FZR1: variants seen among roughly 807,000 people sequenced by gnomAD.
FZR1 encodes the protein fizzy and cell division cycle 20 related 1.
Under a neutral mutation model 63.6 loss-of-function variants are expected in FZR1, and 11 were observed. The observed-to-expected ratio is 0.17, with a 90% CI of 0.11 to 0.29. FZR1 has a LOEUF of 0.29. FZR1 is among the 10% of genes least tolerant of loss of function. FZR1 has a pLI of 1.00. For synonymous variants in FZR1, 328 were observed against 297.9 expected (o/e 1.10, Z -1.04); for missense variants, 440 against 687.5 (o/e 0.64, Z 4.03).
chr19:3,521,594 C>T lies in FZR1; in HGVS notation c.-34-1362C>T, dbSNP rs188147258. ...TCAGCTCACTGCAGCCTTCACCTCC[C>T]GGGTTCAAGCGCTCCTCCTGCCTCA... On this transcript the variant is annotated intron_variant, in intron 1 of 13. Transcript: ENST00000441788. 6.2e-4 allele frequency among the ~76,000 whole-genome samples: 95 copies of T among 152,126 alleles called. 2 individuals are homozygous for T. The East Asian group carries it at 0.016, about 25-fold the overall frequency.
intron 6 of FZR1, 74 bp downstream of exon 6, chr19:3,527,136 C>T (rs2083168223): frequency 2.5e-6 from 3 of 1,176,748 alleles, no homozygotes; most frequent in Non-Finnish European, 1.3e-6. Flanking sequence ...GTCCCAGCTT[C>T]CTCCGCAGCC....
intron 1 of FZR1, among the ~76,000 whole-genome samples, chr19:3,519,161 T>G (rs2083080402): frequency 2.0e-5 from 3 of 152,220 alleles, no homozygotes; most frequent in Admixed American, 2.0e-4. Context: ...TCCAGGACCG[T>G]GGGGAGCATA....
chr19:3,524,663 G>A (rs1230325761), intron 2 of FZR1, among the ~76,000 whole-genome samples: 2 of 152,106 alleles, frequency 1.3e-5, no homozygotes, highest in African/African-American at 4.8e-5. Context: ...CTGGGGGTCC[G>A]GAGTCGGAGG....
In FZR1 at chr19:3,526,659, C is replaced by T. The variant is rs1026374517; in HGVS notation, c.387+273C>T. 6.6e-6 allele frequency among the ~76,000 whole-genome samples: 1 copy of T among 151,344 alleles called. No homozygotes were observed. The highest frequency in any genetic ancestry group is 1.5e-5 in the Non-Finnish European group (1 of 68,034). Reference sequence around the variant, plus strand: ...CCCCACACCAATGCTACCTGGGGTCCCGAACACCCAAGCCGGTGGGGGTCC... The same window carrying T: ...CCCCACACCAATGCTACCTGGGGTCTCGAACACCCAAGCCGGTGGGGGTCC... On this transcript the variant is annotated intron_variant, in intron 5 of 13. Coordinates refer to ENST00000441788, the MANE Select transcript of FZR1 (RefSeq NM_016263.4). This position sits in a 1 kb window ranked among gnomAD's most constrained non-coding sequence, Gnocchi z 5.4.
intron 2 of FZR1, among the ~76,000 whole-genome samples, chr19:3,523,699 G>A (rs1365503897): frequency 3.9e-5 from 6 of 152,230 alleles, no homozygotes; most frequent in Non-Finnish European, 7.3e-5. Context: ...CATCATTCTC[G>A]AAGACGAAGT....
At chr19:3,523,899 G>A (rs535373166) in intron 2 of FZR1, among the ~76,000 whole-genome samples, 13 of 152,302 alleles carry the variant, frequency 8.5e-5, no homozygotes, top group African/African-American at 2.9e-4. Context: ...CAAAGCCTGG[G>A]TCCCGGGACC....
At chr19:3,510,017 ACCACCGTGAG>A (rs1302853976) in intron 1 of FZR1, among the ~76,000 whole-genome samples, 1 of 151,826 alleles carries the variant, frequency 6.6e-6, no homozygotes, top group Non-Finnish European at 1.5e-5. Flanking sequence ...ACCCCATGCA[ACCACCGTGAG>A]CCCAGCTCTA....
At position 3,516,910 on chromosome 19, in the gene FZR1, C is replaced by A. The variant is rs2083062571; in HGVS notation, c.-34-6046C>A. Among the ~76,000 whole-genome samples, 4 of 152,228 alleles carry A rather than the reference C, an allele frequency of 2.6e-5. No individual in the cohort carries two copies. In the South Asian group the frequency reaches 8.3e-4, roughly 32 times the overall value. Reference sequence around the variant, plus strand: ...GCTGGGCAGCGATGTGTGCCAGGGGCCGTGTGCAGCTGCAGCTGGCGCCCG... The same window carrying A: ...GCTGGGCAGCGATGTGTGCCAGGGGACGTGTGCAGCTGCAGCTGGCGCCCG... On this transcript the variant is annotated intron_variant, in intron 1 of 13. Transcript: ENST00000441788. The surrounding 1 kb of genome is among the most constrained non-coding windows in gnomAD (Gnocchi z 6.0).
At chr19:3,523,423 C>G (rs1467784753) in intron 2 of FZR1, among the ~76,000 whole-genome samples, 1 of 152,184 alleles carries the variant, frequency 6.6e-6, no homozygotes, top group African/African-American at 2.4e-5. Context: ...CTGGCTTTGT[C>G]CTTCCTTGCG....
In FZR1 at chr19:3,533,499, G is replaced by A; in HGVS notation, c.1347+101G>A. On this transcript the variant is annotated intron_variant, in intron 12 of 13. Transcript: ENST00000441788. The surrounding 1 kb of genome is among the most constrained non-coding windows in gnomAD (Gnocchi z 4.9). ...CCTGTGTTCTTAGGGAGGATGGTGT[G>A]CAGATCTAAAACCCCGTGGGACCCA... The A allele has an allele frequency of 1.3e-6, 1 of 744,174 alleles. No individual in the cohort carries two copies. The highest frequency in any genetic ancestry group is 2.1e-5 in the Admixed American group (1 of 48,446). 46.1% of individuals were successfully genotyped at this position (744,174 alleles called of 1,614,324 possible).
At chr19:3,527,565 C>A in intron 6 of FZR1, 66 bp from the exon 7 acceptor site, 1 of 1,331,756 alleles carries the variant, frequency 7.5e-7, no homozygotes, top group Non-Finnish European at 1.0e-6. Context: ...GGAGACACTT[C>A]CCAAGCGTTT....
intron 7 of FZR1, among the ~76,000 whole-genome samples, chr19:3,530,381 TGAGCAGATGGGTGAGCGGATGGGA>T (rs1568238925): frequency 1.9e-4 from 13 of 69,794 alleles, no homozygotes; most frequent in African/African-American, 2.1e-4. Flanking sequence ...AGCGGATGGG[TGAGCAGATGGGTGAGCGGATGGGA>T]GAGCGCATGG....
chr19:3,525,099 C>T lies in FZR1; in HGVS notation c.70-769C>T, dbSNP rs1310234873. ...GGCAGCAGGAGATGGGGATGAGGGC[C>T]ACACTCCCAGGTGGCTCTGGGTACA... On this transcript the variant is annotated intron_variant, in intron 2 of 13. Transcript: ENST00000441788. This position sits in a 1 kb window ranked among gnomAD's most constrained non-coding sequence, Gnocchi z 4.2. 6.6e-6 allele frequency among the ~76,000 whole-genome samples: 1 copy of T among 152,254 alleles called. No individual in the cohort carries two copies. The highest frequency in any genetic ancestry group is 1.9e-4 in the East Asian group (1 of 5,178).
chr19:3,533,016 C>T lies in FZR1; in HGVS notation c.1243-278C>T, dbSNP rs1041429721. On this transcript the variant is annotated intron_variant, in intron 11 of 13. Transcript: ENST00000441788. This position sits in a 1 kb window ranked among gnomAD's most constrained non-coding sequence, Gnocchi z 4.9. ...TCCGGGCGTGTCACCAGGACAGTCT[C>T]GGGGGTGACTTGCAGGTGGGGCAGA... Among the ~76,000 whole-genome samples, 4 of 152,148 alleles carry T rather than the reference C, an allele frequency of 2.6e-5. No individual in the cohort carries two copies. The highest frequency in any genetic ancestry group is 5.9e-5 in the Non-Finnish European group (4 of 68,012).
In FZR1 at chr19:3,528,031, G is replaced by A. The variant is rs562388507; in HGVS notation, c.654+217G>A. Among the ~76,000 whole-genome samples the A allele has an allele frequency of 1.6e-4, 22 of 141,376 alleles. No individual in the cohort carries two copies. In the East Asian group the frequency reaches 4.4e-3, roughly 28 times the overall value. The allele number at this position is 141,376 out of a possible 152,430, so 92.7% of individuals were successfully genotyped here. ...CTCCCAGTCAGGGCCTCCCAGCCACGGCCCTCCCAACCCTCCCAGCCATGG... is the reference window on the plus strand; with the variant it reads ...CTCCCAGTCAGGGCCTCCCAGCCACAGCCCTCCCAACCCTCCCAGCCATGG... On this transcript the variant is annotated intron_variant, in intron 7 of 13. Coordinates refer to ENST00000441788, the MANE Select transcript of FZR1 (RefSeq NM_016263.4).
At chr19:3,506,930 C>A (rs2082988023) in intron 1 of FZR1, among the ~76,000 whole-genome samples, 1 of 152,168 alleles carries the variant, frequency 6.6e-6, no homozygotes, top group Non-Finnish European at 1.5e-5. Context: ...CAGCTTGGGT[C>A]CTGCCCACAC....
intron 12 of FZR1, 156 bp from the exon 13 acceptor site, chr19:3,534,265 C>A: frequency 1.9e-5 from 9 of 466,038 alleles, no homozygotes; most frequent in Middle Eastern, 5.7e-4. Flanking sequence ...ACCTTGGTTT[C>A]TGCTTGTGGT....
In FZR1 at chr19:3,533,645, ATTTG is replaced by A; in HGVS notation, c.1347+251_1347+254del. 2.0e-6 allele frequency: 1 copy of A among 490,870 alleles called. No individual in the cohort carries two copies. The highest frequency in any genetic ancestry group is 3.7e-6 in the Non-Finnish European group (1 of 273,734). 30.4% of individuals were successfully genotyped at this position (490,870 alleles called of 1,614,324 possible). On this transcript the variant is annotated intron_variant, in intron 12 of 13. Coordinates refer to ENST00000441788, the MANE Select transcript of FZR1 (RefSeq NM_016263.4). The surrounding 1 kb of genome is among the most constrained non-coding windows in gnomAD (Gnocchi z 4.9). ...CCTCCTGGAGGACCTTAGCTTCTTC[ATTTG>A]TTTATTTTCCCCATAAAGAGGGGTG... is the stretch of plus-strand genomic sequence containing the variant.
At chr19:3,522,826 G>T in intron 1 of FZR1, 130 bp from the exon 2 acceptor site, 1 of 640,018 alleles carries the variant, frequency 1.6e-6, no homozygotes, top group South Asian at 1.7e-5. Flanking sequence ...GCTGGCAGAA[G>T]ATCCCCACAG....
Sources: gnomAD v4.1 joint callset for allele counts (sites outside exome capture counted in the v4.1 genomes callset) on GRCh38, gnomAD v4.1.1 for gene constraint, Gnocchi (gnomAD v3.1) non-coding constraint, MANE v1.5 for transcripts, NCBI Gene and HGNC (gene_info 2026-07-23, HGNC 2026-07-21) for gene names.